KCNK10: variants seen among roughly 807,000 people sequenced by gnomAD.
KCNK10 encodes the protein potassium two pore domain channel subfamily K member 10.
In KCNK10, 25 loss-of-function variants were observed where a neutral mutation model predicts 47.7. The observed-to-expected ratio is 0.52, with a 90% CI of 0.38 to 0.73. The LOEUF (loss-of-function observed/expected upper bound fraction) is 0.73, where lower values mean the gene tolerates loss of function less well. Ranked by LOEUF, KCNK10 falls within the 30% of genes least tolerant of loss-of-function variation. The pLI, the probability that KCNK10 is intolerant of heterozygous loss-of-function variation, is 0.00. For synonymous variants in KCNK10, 303 were observed against 285.6 expected, an observed-to-expected ratio of 1.06 and a Z score of -0.61; for missense variants, 563 against 714.5, an observed-to-expected ratio of 0.79 and a Z score of 2.42.
chr14:88,271,814 G>A (rs999277009), intron 1 of KCNK10, among the ~76,000 whole-genome samples: 1 of 151,888 alleles, frequency 6.6e-6, no homozygotes, highest in African/African-American at 2.4e-5. Context: ...AGAACAAGGG[G>A]TTCACATGAG....
intron 1 of KCNK10, among the ~76,000 whole-genome samples, chr14:88,271,233 C>A (rs941559469): frequency 2.0e-5 from 3 of 152,210 alleles, no homozygotes; most frequent in Non-Finnish European, 2.9e-5. Context: ...AACTAGGAGA[C>A]CCCTGGTTAC....
chr14:88,207,466 G>A (rs529388171), intron 4 of KCNK10, among the ~76,000 whole-genome samples: 25 of 152,226 alleles, frequency 1.6e-4, no homozygotes, highest in African/African-American at 5.3e-4. Flanking sequence ...GAGCCACAGC[G>A]CCAGCCCAAG....
chr14:88,187,674 C>T (rs540608117), intron 6 of KCNK10, among the ~76,000 whole-genome samples: 1 of 149,782 alleles, frequency 6.7e-6, no homozygotes, highest in South Asian at 2.1e-4. Flanking sequence ...TATTTATTTT[C>T]ATTTTCATTT....
At chr14:88,208,393 T>C (rs1319186989) in intron 4 of KCNK10, among the ~76,000 whole-genome samples, 1 of 152,142 alleles carries the variant, frequency 6.6e-6, no homozygotes, top group Non-Finnish European at 1.5e-5. Context: ...TCCTCTTCCT[T>C]GGGGAAAAGG....
intron 4 of KCNK10, among the ~76,000 whole-genome samples, chr14:88,199,286 T>C (rs1464933383): frequency 6.6e-6 from 1 of 151,996 alleles, no homozygotes; most frequent in Non-Finnish European, 1.5e-5. Flanking sequence ...AGAGGTGAAA[T>C]CCTCTGGTGT....
At chr14:88,275,303 TC>T (rs1164743222) in intron 1 of KCNK10, among the ~76,000 whole-genome samples, 4 of 152,078 alleles carry the variant, frequency 2.6e-5, no homozygotes, top group Non-Finnish European at 5.9e-5. Flanking sequence ...ACCTGGCTGC[TC>T]CCCCAGTTTC....
intron 2 of KCNK10, among the ~76,000 whole-genome samples, chr14:88,254,195 CAAGG>C (rs1211996364): frequency 2.6e-5 from 4 of 152,222 alleles, no homozygotes; most frequent in Non-Finnish European, 2.9e-5. Flanking sequence ...TGAAGTGAGC[CAAGG>C]AAGAAGGCAG....
intron 4 of KCNK10, among the ~76,000 whole-genome samples, chr14:88,210,829 G>GAAAA (rs71126970): frequency 8.1e-4 from 112 of 138,656 alleles, no homozygotes; most frequent in African/African-American, 2.3e-3. Context: ...AAAGTTAAAG[G>GAAAA]AAAAAAAAAA....
chr14:88,210,203 AAGAAGTAGACAT>A (rs1273364608), intron 4 of KCNK10, among the ~76,000 whole-genome samples: 1 of 152,228 alleles, frequency 6.6e-6, no homozygotes, highest in Non-Finnish European at 1.5e-5. Context: ...CATAGCTGAT[AAGAAGTAGACAT>A]AGCATGGATC....
upstream of KCNK10, among the ~76,000 whole-genome samples, chr14:88,323,400 C>T (rs573129120): frequency 3.1e-4 from 47 of 149,354 alleles, no homozygotes; most frequent in African/African-American, 1.0e-3. Flanking sequence ...TGGCGCGGCG[C>T]CCGGGCAGCG....
In KCNK10 at chr14:88,287,674, G is replaced by GGTGTGT. The variant is rs199702993; in HGVS notation, c.53-24129_53-24124dup. 1.9e-3 allele frequency among the ~76,000 whole-genome samples: 265 copies of GGTGTGT among 141,630 alleles called. 2 individuals carry two copies. The highest frequency in any genetic ancestry group is 2.5e-3 in the Non-Finnish European group (159 of 64,374). 92.9% of individuals were successfully genotyped at this position (141,630 alleles called of 152,430 possible). On this transcript the variant is annotated intron_variant, in intron 1 of 6. Transcript: ENST00000319231. ...TTTTTATGGCTGAATAGTATTCCAT[G>GGTGTGT]GTGTGTGTGTGTGTGTGTGTGTGTG...
chr14:88,253,452 A>G (rs1434470615), intron 2 of KCNK10, among the ~76,000 whole-genome samples: 3 of 152,190 alleles, frequency 2.0e-5, no homozygotes, highest in Non-Finnish European at 4.4e-5. Context: ...CATACATTGT[A>G]GGTATGGAAA....
upstream of KCNK10, among the ~76,000 whole-genome samples, chr14:88,326,104 A>C (rs1201584031): frequency 7.1e-5 from 10 of 140,794 alleles, no homozygotes; most frequent in South Asian, 2.4e-4. Context: ...TCTTTTCCCC[A>C]CCTCCAACCT....
chr14:88,226,254 A>T (rs571767656), intron 4 of KCNK10, among the ~76,000 whole-genome samples: 3 of 152,226 alleles, frequency 2.0e-5, no homozygotes, highest in African/African-American at 7.2e-5. Context: ...TCACCCAGCT[A>T]TGGTGCCTCG....
At chr14:88,305,172 C>A (rs1228534209) in intron 1 of KCNK10, among the ~76,000 whole-genome samples, 1 of 151,670 alleles carries the variant, frequency 6.6e-6, no homozygotes, top group East Asian at 1.9e-4. Context: ...GCACTCCCAC[C>A]TGGGTGATAG....
chr14:88,231,052 A>T (rs1431942981), intron 3 of KCNK10, among the ~76,000 whole-genome samples: 3 of 152,082 alleles, frequency 2.0e-5, no homozygotes, highest in Non-Finnish European at 4.4e-5. Flanking sequence ...AGGTGGGAGG[A>T]TCACTTGAGG....
chr14:88,251,445 G>T (rs187039125), intron 2 of KCNK10, among the ~76,000 whole-genome samples: 3 of 152,138 alleles, frequency 2.0e-5, no homozygotes, highest in Admixed American at 1.3e-4. Context: ...GGGGGCAAAT[G>T]GTGCCAAGCA....
intron 1 of KCNK10, among the ~76,000 whole-genome samples, chr14:88,280,412 T>C (rs1887624720): frequency 6.6e-6 from 1 of 152,136 alleles, no homozygotes; most frequent in Non-Finnish European, 1.5e-5. Flanking sequence ...CCCCTTTTGT[T>C]CTATATCCTC....
rs1884554669 is a variant in KCNK10 at position 88,186,162 on chromosome 14, A to G, written c.1012-7T>C. ...GGGCCTTGATTTCACCCACCTGGCC[A>G]AGAGACAGAAGAGCAACAATATGCT... On this transcript the variant is annotated splice_polypyrimidine_tract_variant and splice_region_variant and intron_variant, in intron 6 of 6. Coordinates refer to ENST00000319231, the MANE Select transcript of KCNK10 (RefSeq NM_138317.3). The surrounding 1 kb of genome is among the most constrained non-coding windows in gnomAD (Gnocchi z 5.5). 3 of 1,566,660 alleles carry G rather than the reference A, an allele frequency of 1.9e-6. No individual in the cohort carries two copies.
Sources: allele counts gnomAD v4.1 joint callset (sites outside exome capture counted in the v4.1 genomes callset), GRCh38; gene constraint gnomAD v4.1.1; non-coding constraint Gnocchi (gnomAD v3.1); transcripts MANE v1.5; gene names NCBI Gene and HGNC (gene_info 2026-07-23, HGNC 2026-07-21).